The following SDK2 variants were observed in gnomAD, a reference collection of about 807,000 sequenced individuals.
SDK2 encodes the protein sidekick cell adhesion molecule 2, also known as protein sidekick-2.
SDK2 carries 105 observed loss-of-function variants against 253.9 expected under a neutral mutation model. That is an observed-to-expected ratio of 0.41 (90% CI 0.35 to 0.49). The LOEUF (loss-of-function observed/expected upper bound fraction) is 0.49, where lower values mean the gene tolerates loss of function less well. Among genes scored for constraint, SDK2 ranks in the 20% least tolerant of loss-of-function variants. The probability of loss-of-function intolerance (pLI) is 0.06; values close to 1 mark genes in which losing one functional copy is unlikely to be tolerated. For synonymous variants in SDK2, 1,249 were observed against 1,234.9 expected (o/e 1.01, Z -0.24); for missense variants, 2,608 against 3,003.0 (o/e 0.87, Z 3.07).
At chr17:73,453,409 C>G (rs1412177662) in intron 4 of SDK2, among the ~76,000 whole-genome samples, 1 of 146,530 alleles carries the variant, frequency 6.8e-6, no homozygotes, top group Non-Finnish European at 1.5e-5. Context: ...TGGAGTCTTG[C>G]TCTTGTCACC....
At position 73,350,651 on chromosome 17, in the gene SDK2, C is replaced by T. The variant is rs371077392; in HGVS notation, c.5898G>A (p.Ser1966=). 77 of 1,609,334 alleles carry T rather than the reference C, an allele frequency of 4.8e-5. No individual in the cohort carries two copies. Among genetic ancestry groups the T allele is most frequent in the Non-Finnish European group, 5.8e-5 (68 of 1,178,074 alleles). ...CATGGCTGGTGCCAGCTCACTCACC[C>T]GAGTCTGTCTTCTTGGCGTACTTCT... ...QSKKYAKKTD[S]GNSAKSGALG... The change falls in exon 42 of 45, where the codon TCG becomes TCA. Residue 1966 remains serine (S), a splice_region_variant and synonymous_variant. Coordinates refer to ENST00000392650, the MANE Select transcript of SDK2 (RefSeq NM_001144952.2).
At chr17:73,638,018 T>C (rs557797796) in intron 1 of SDK2, among the ~76,000 whole-genome samples, 1 of 152,330 alleles carries the variant, frequency 6.6e-6, no homozygotes, top group Non-Finnish European at 1.5e-5. Flanking sequence ...CTGCGGGAGC[T>C]GCTGGAGGGC....
At chr17:73,610,110 C>T (rs1010516938) in intron 1 of SDK2, among the ~76,000 whole-genome samples, 1 of 152,196 alleles carries the variant, frequency 6.6e-6, no homozygotes. Flanking sequence ...ACACTGGTCT[C>T]GGGGAGACAC....
chr17:73,495,147 G>C (rs1347591796), intron 2 of SDK2, among the ~76,000 whole-genome samples: 1 of 152,178 alleles, frequency 6.6e-6, no homozygotes, highest in Non-Finnish European at 1.5e-5. Context: ...AGGGAGCGAG[G>C]GGTGGCCAGC....
intron 12 of SDK2, among the ~76,000 whole-genome samples, chr17:73,424,607 C>G (rs1056007385): frequency 2.0e-5 from 3 of 152,218 alleles, no homozygotes; most frequent in South Asian, 2.1e-4. Flanking sequence ...AGAAATTACA[C>G]ACGCATCAGT....
rs8080047 is a variant in SDK2, at chr17:73,629,999, C to A, written c.64+14026G>T. Reference sequence around the variant, plus strand: ...TGAGTGCTGGTCAATACCAACCCCCCACCAGGTGCAAGGCCATCACCACGT... The same window carrying A: ...TGAGTGCTGGTCAATACCAACCCCCAACCAGGTGCAAGGCCATCACCACGT... On this transcript the variant is annotated intron_variant, in intron 1 of 44. Transcript: ENST00000392650. The surrounding 1 kb of genome is among the most constrained non-coding windows in gnomAD (Gnocchi z 5.0). 1.3e-5 allele frequency among the ~76,000 whole-genome samples: 2 copies of A among 152,104 alleles called. No homozygotes were observed. Among genetic ancestry groups the A allele is most frequent in the African/African-American group, 4.8e-5 (2 of 41,384 alleles).
chr17:73,401,561 G>A, intron 20 of SDK2, 93 bp downstream of exon 20: 1 of 1,191,968 alleles, frequency 8.4e-7, no homozygotes, highest in Non-Finnish European at 1.2e-6. Flanking sequence ...TCAAGAGTTT[G>A]GGTGAAAAGT....
chr17:73,559,388 G>C (rs1265231185), intron 1 of SDK2, among the ~76,000 whole-genome samples: 1 of 152,198 alleles, frequency 6.6e-6, no homozygotes, highest in African/African-American at 2.4e-5. Flanking sequence ...CAAGAAGCAA[G>C]GAGTTGATAA....
In SDK2 at chr17:73,408,046, C is replaced by CTTTTTTTTTTTT. The variant is rs373774628; in HGVS notation, c.2485-5906_2485-5905insAAAAAAAAAAAA. On this transcript the variant is annotated intron_variant, in intron 18 of 44. Transcript: ENST00000392650. Reference sequence around the variant, plus strand: ...ACACCATCTAGGAAGTAAAATATTTCCTTTTTTTTTTTTTTTTTCTTTTGA... The same window carrying CTTTTTTTTTTTT: ...ACACCATCTAGGAAGTAAAATATTTCTTTTTTTTTTTTCTTTTTTTTTTTTTTTTTCTTTTGA... Among the ~76,000 whole-genome samples the CTTTTTTTTTTTT allele has an allele frequency of 3.1e-4, 16 of 50,958 alleles. 6 individuals carry two copies. Among genetic ancestry groups the CTTTTTTTTTTTT allele is most frequent in the Non-Finnish European group, 3.7e-4 (9 of 24,350 alleles). 33.4% of individuals were successfully genotyped at this position (50,958 alleles called of 152,430 possible).
At chr17:73,472,350 C>T (rs2063658007) in intron 2 of SDK2, 132 bp from the exon 3 acceptor site, 1 of 634,320 alleles carries the variant, frequency 1.6e-6, no homozygotes, top group Non-Finnish European at 2.9e-6. Flanking sequence ...ACTCTTGACT[C>T]TCTAGCCATG....
chr17:73,446,628 C>T (rs986063261), intron 5 of SDK2, among the ~76,000 whole-genome samples: 3 of 152,190 alleles, frequency 2.0e-5, no homozygotes, highest in Admixed American at 2.0e-4. Flanking sequence ...CAGGCTGGTC[C>T]ACACCCTCAT....
intron 2 of SDK2, among the ~76,000 whole-genome samples, chr17:73,490,745 C>T (rs949904759): frequency 5.3e-5 from 8 of 151,630 alleles, no homozygotes; most frequent in East Asian, 1.9e-4. Context: ...ATGCTGGTCT[C>T]GAACCCCTGA....
At position 73,337,775 on chromosome 17, in the gene SDK2, T is replaced by C. The variant is rs1457458461; in HGVS notation, c.*812A>G. 6.6e-6 allele frequency: 1 copy of C among 152,330 alleles called. No individual in the cohort carries two copies. The highest frequency in any genetic ancestry group is 1.9e-4 in the East Asian group (1 of 5,200). The allele number at this position is 152,330 out of a possible 1,614,324, so 9.4% of individuals were successfully genotyped here. A position where few individuals can be genotyped will look rare whatever the true frequency, so the allele number is the denominator to read the frequency against. ...GCTCCCCAGACTTCACCTTTCCTTG[T>C]CCATGCTCAGGAAAGTCAATTCCAG... On this transcript the variant is annotated 3_prime_UTR_variant, in exon 45 of 45. Coordinates refer to ENST00000392650, the MANE Select transcript of SDK2 (RefSeq NM_001144952.2).
Position 73,511,540 on chromosome 17 carries a change from G to C in SDK2, c.65-3943C>G, listed in dbSNP as rs1374649936. Among the ~76,000 whole-genome samples the C allele has an allele frequency of 6.6e-6, 1 of 152,188 alleles. No homozygotes were observed. The highest frequency in any genetic ancestry group is 1.5e-5 in the Non-Finnish European group (1 of 68,026). ...GGCTGCTGGAGATAATGACTCTGGG[G>C]AGGAGGAGAGGGAAGGGGAGGCCTT... On this transcript the variant is annotated intron_variant, in intron 1 of 44. Coordinates refer to ENST00000392650, the MANE Select transcript of SDK2 (RefSeq NM_001144952.2). This position sits in a 1 kb window ranked among gnomAD's most constrained non-coding sequence, Gnocchi z 4.9.
intron 1 of SDK2, among the ~76,000 whole-genome samples, chr17:73,557,499 CA>C (rs2045162227): frequency 6.6e-6 from 1 of 152,132 alleles, no homozygotes; most frequent in Non-Finnish European, 1.5e-5. Flanking sequence ...GATGGAGTTT[CA>C]CCATGTTGGC....
intron 1 of SDK2, among the ~76,000 whole-genome samples, chr17:73,513,999 C>T (rs2064002288): frequency 6.6e-6 from 1 of 152,204 alleles, no homozygotes; most frequent in Admixed American, 6.5e-5. Context: ...GGTTGGGGGA[C>T]TAGCTTTTCA....
In SDK2 at chr17:73,581,402, A is replaced by C. The variant is rs966651208; in HGVS notation, c.64+62623T>G. 2.6e-5 allele frequency among the ~76,000 whole-genome samples: 4 copies of C among 152,170 alleles called. No homozygotes were observed. The East Asian group carries it at 7.7e-4, about 29-fold the overall frequency. Reference sequence around the variant, plus strand: ...CTCATTAGTTTCTTGGGCCTTCCACAGGAAACTCTGCACCCACTCTCACAT... The same window carrying C: ...CTCATTAGTTTCTTGGGCCTTCCACCGGAAACTCTGCACCCACTCTCACAT... On this transcript the variant is annotated intron_variant, in intron 1 of 44. Transcript: ENST00000392650.
At chr17:73,368,880 C>G (rs1449971793) in intron 36 of SDK2, among the ~76,000 whole-genome samples, 1 of 152,088 alleles carries the variant, frequency 6.6e-6, no homozygotes, top group East Asian at 1.9e-4. Context: ...GGCATGGTGG[C>G]AAGTGCCTGT....
At chr17:73,363,716 C>T (rs1252185822) in intron 38 of SDK2, among the ~76,000 whole-genome samples, 1 of 152,106 alleles carries the variant, frequency 6.6e-6, no homozygotes, top group African/African-American at 2.4e-5. Context: ...TCCCACCAGA[C>T]TGTGGAATTG....
Sources: gnomAD v4.1 joint callset for allele counts (sites outside exome capture counted in the v4.1 genomes callset) on GRCh38, gnomAD v4.1.1 for gene constraint, Gnocchi (gnomAD v3.1) non-coding constraint, MANE v1.5 for transcripts, NCBI Gene and HGNC (gene_info 2026-07-23, HGNC 2026-07-21) for gene names.